The following RAB3GAP2 variants were observed in gnomAD, a reference collection of about 807,000 sequenced individuals.
RAB3GAP2 encodes RAB3 GTPase activating non-catalytic protein subunit 2.
RAB3GAP2 carries 87 observed loss-of-function variants against 185.3 expected under a neutral mutation model. The ratio of observed to expected loss-of-function variants is 0.47; its 90% CI spans 0.39 to 0.56. The LOEUF (loss-of-function observed/expected upper bound fraction) is 0.56. RAB3GAP2 is among the 20% of genes least tolerant of loss of function. The pLI is 0.00. For synonymous variants in RAB3GAP2, 554 were observed against 576.1 expected (o/e 0.96, Z 0.55); for missense variants, 1,492 against 1,638.2 (o/e 0.91, Z 1.54).
At chr1:220,227,487 G>A (rs1659422516) in intron 2 of RAB3GAP2, among the ~76,000 whole-genome samples, 1 of 152,164 alleles carries the variant, frequency 6.6e-6, no homozygotes, top group African/African-American at 2.4e-5. Context: ...GAGATAAAAA[G>A]CACTGTGGAG....
At chr1:220,163,366 ATTT>A (rs1315429896) in intron 27 of RAB3GAP2, among the ~76,000 whole-genome samples, 4 of 139,184 alleles carry the variant, frequency 2.9e-5, no homozygotes, top group Non-Finnish European at 3.1e-5. Context: ...TAGTAACTTA[ATTT>A]TTTTTTTTTT....
chr1:220,271,782 G>C (rs563414295), intron 1 of RAB3GAP2, among the ~76,000 whole-genome samples: 1 of 152,038 alleles, frequency 6.6e-6, no homozygotes, highest in African/African-American at 2.4e-5. Context: ...GTGGGAGCTG[G>C]GGCAATACCA....
Position 220,172,663 on chromosome 1 carries a change from ATGG to A in RAB3GAP2, c.2387_2389del (p.Thr796del). The A allele has an allele frequency of 6.2e-7, 1 of 1,612,086 alleles. No homozygotes were observed. Among genetic ancestry groups the A allele is most frequent in the Non-Finnish European group, 8.5e-7 (1 of 1,178,098 alleles). The stretch of plus-strand genomic sequence containing the variant: ...TTTCATCTTGCTCAGGAGGGACAGC[ATGG>A]TATGAAGACAGCAGATTGACTGTGG... On this transcript the variant is annotated inframe_deletion, in exon 22 of 35. Coordinates refer to ENST00000358951, the MANE Select transcript of RAB3GAP2 (RefSeq NM_012414.4).
intron 1 of RAB3GAP2, among the ~76,000 whole-genome samples, chr1:220,246,661 A>T (rs1474387077): frequency 8.0e-6 from 1 of 125,224 alleles, no homozygotes; most frequent in African/African-American, 3.1e-5. Context: ...TCAGTAAACT[A>T]TCGCAAGAAC....
At chr1:220,181,575 ATGTT>A (rs1181738747) in intron 21 of RAB3GAP2, among the ~76,000 whole-genome samples, 6 of 152,112 alleles carry the variant, frequency 3.9e-5, no homozygotes, top group African/African-American at 1.4e-4. Context: ...AAGTCTGAAA[ATGTT>A]TGGTAACAAT....
intron 1 of RAB3GAP2, chr1:220,266,799 T>C (rs895068179): frequency 5.3e-5 from 85 of 1,594,846 alleles, no homozygotes; most frequent in Admixed American, 2.8e-4. Flanking sequence ...TCTCTGAGCA[T>C]TGGCCTCTGG....
intron 2 of RAB3GAP2, among the ~76,000 whole-genome samples, chr1:220,223,852 G>A (rs949599748): frequency 1.3e-5 from 2 of 151,216 alleles, no homozygotes; most frequent in Non-Finnish European, 2.9e-5. Flanking sequence ...AACAATTTCT[G>A]TCAAAATGTA....
chr1:220,151,128 A>C lies in RAB3GAP2; in HGVS notation c.*123T>G, dbSNP rs889811727. ...TTAAAAGTTGTATATACTTTTATTTATTTTACAAAAGGAAAAAAAAAGACA... is the reference window on the plus strand; with the variant it reads ...TTAAAAGTTGTATATACTTTTATTTCTTTTACAAAAGGAAAAAAAAAGACA... On this transcript the variant is annotated 3_prime_UTR_variant, in exon 35 of 35. Coordinates refer to ENST00000358951, the MANE Select transcript of RAB3GAP2 (RefSeq NM_012414.4). The C allele has an allele frequency of 2.6e-5, 27 of 1,052,468 alleles. No individual in the cohort carries two copies. In the African/African-American group the frequency reaches 2.9e-4, roughly 11 times the overall value. 65.2% of individuals were successfully genotyped at this position (1,052,468 alleles called of 1,614,324 possible). A position where few individuals can be genotyped will look rare whatever the true frequency, so the allele number is the denominator to read the frequency against.
chr1:220,184,221 G>A (rs1558147879), intron 18 of RAB3GAP2, 58 bp from the exon 19 acceptor site: 3 of 1,474,390 alleles, frequency 2.0e-6, no homozygotes, highest in Non-Finnish European at 2.8e-6. Context: ...TCATAAACAG[G>A]CTTTGCTTTC....
At chr1:220,233,710 T>G (rs1192944211) in intron 1 of RAB3GAP2, among the ~76,000 whole-genome samples, 1 of 151,660 alleles carries the variant, frequency 6.6e-6, no homozygotes, top group East Asian at 1.9e-4. Context: ...GTGTATGTGT[T>G]TTTTTTTTGA....
chr1:220,268,581 G>A (rs1660275948), intron 1 of RAB3GAP2, among the ~76,000 whole-genome samples: 1 of 152,138 alleles, frequency 6.6e-6, no homozygotes, highest in Non-Finnish European at 1.5e-5. Context: ...CTAAAAAATT[G>A]GAAGCCAAAC....
chr1:220,250,772 G>T (rs907448908), intron 1 of RAB3GAP2, among the ~76,000 whole-genome samples: 3 of 152,186 alleles, frequency 2.0e-5, no homozygotes, highest in African/African-American at 7.2e-5. Context: ...GTTCTCACAA[G>T]AACTGATGGT....
intron 24 of RAB3GAP2, among the ~76,000 whole-genome samples, chr1:220,168,413 T>C (rs1306975702): frequency 6.6e-6 from 1 of 151,930 alleles, no homozygotes; most frequent in African/African-American, 2.4e-5. Flanking sequence ...TTTTTTTTTT[T>C]TGAGACAGAG....
chr1:220,170,284 G>A (rs920209349), intron 24 of RAB3GAP2, among the ~76,000 whole-genome samples: 1 of 152,178 alleles, frequency 6.6e-6, no homozygotes, highest in South Asian at 2.1e-4. Flanking sequence ...CGGGGCTAGG[G>A]AAGGGATAGC....
chr1:220,238,299 C>T (rs775143423), intron 1 of RAB3GAP2, among the ~76,000 whole-genome samples: 3 of 152,088 alleles, frequency 2.0e-5, no homozygotes, highest in Non-Finnish European at 2.9e-5. Context: ...CTCAGTTTTT[C>T]CTAGTCACAT....
At chr1:220,254,032 G>A in intron 1 of RAB3GAP2, 1 of 1,613,954 alleles carries the variant, frequency 6.2e-7, no homozygotes, top group African/African-American at 1.3e-5. Context: ...GAACAGAGTT[G>A]AAGTTAAAGT....
intron 1 of RAB3GAP2, among the ~76,000 whole-genome samples, chr1:220,239,567 T>C (rs1048027795): frequency 2.6e-5 from 4 of 152,314 alleles, no homozygotes; most frequent in African/African-American, 9.6e-5. Flanking sequence ...ACAATATTAA[T>C]AATTTTTTTC....
At chr1:220,167,224 C>A in intron 26 of RAB3GAP2, 69 bp downstream of exon 26, 1 of 1,338,482 alleles carries the variant, frequency 7.5e-7, no homozygotes, top group Admixed American at 1.8e-5. Flanking sequence ...TTTAATTAGA[C>A]GGTCCCCATA....
At position 220,151,004 on chromosome 1, in the gene RAB3GAP2, C is replaced by A; in HGVS notation, c.*247G>T. 2.3e-6 allele frequency: 1 copy of A among 440,404 alleles called. No homozygotes were observed. Among genetic ancestry groups the A allele is most frequent in the Non-Finnish European group, 4.0e-6 (1 of 250,744 alleles). The allele number at this position is 440,404 out of a possible 1,614,324, so 27.3% of individuals were successfully genotyped here. ...CTTAAGTGTTTGAATTAGAAATAAA[C>A]AGTAAAACATCTGTATTAATTATAA... is the stretch of plus-strand genomic sequence containing the variant. On this transcript the variant is annotated 3_prime_UTR_variant, in exon 35 of 35. Transcript: ENST00000358951.
Sources: gnomAD v4.1 joint callset for allele counts (sites outside exome capture counted in the v4.1 genomes callset) on GRCh38, gnomAD v4.1.1 for gene constraint, MANE v1.5 for transcripts, NCBI Gene and HGNC (gene_info 2026-07-23, HGNC 2026-07-21) for gene names.